Variants in PRKCQ observed in about 807,000 individuals in gnomAD.
The protein encoded by PRKCQ is protein kinase C theta type.
In PRKCQ, 41 loss-of-function variants were observed where a neutral mutation model predicts 91.2. That is an observed-to-expected ratio of 0.45 (90% CI 0.35 to 0.58). The LOEUF (loss-of-function observed/expected upper bound fraction) is 0.58, where lower values mean the gene tolerates loss of function less well. PRKCQ is among the 20% of genes least tolerant of loss of function. The pLI is 0.00. For missense variants in PRKCQ, 673 were observed against 896.5 expected (o/e 0.75, Z 3.18); for synonymous variants, 307 against 316.9 (o/e 0.97, Z 0.33).
At chr10:6,462,976 GCATGGACGA>G (rs1167416830) in intron 13 of PRKCQ, among the ~76,000 whole-genome samples, 1 of 148,224 alleles carries the variant, frequency 6.7e-6, no homozygotes, top group African/African-American at 2.5e-5. Flanking sequence ...CTGCACTCCA[GCATGGACGA>G]CAGAGCAAGA....
At chr10:6,492,354 G>C (rs1837362591) in intron 7 of PRKCQ, among the ~76,000 whole-genome samples, 1 of 152,190 alleles carries the variant, frequency 6.6e-6, no homozygotes, top group African/African-American at 2.4e-5. Flanking sequence ...GAGGTGGCAA[G>C]AGGAGGGAGC....
At chr10:6,527,927 C>A (rs548012674) in intron 1 of PRKCQ, among the ~76,000 whole-genome samples, 1 of 152,312 alleles carries the variant, frequency 6.6e-6, no homozygotes, top group Admixed American at 6.5e-5. Flanking sequence ...TGATTTCAAG[C>A]TCATCTTCCC....
At chr10:6,530,694 C>T (rs968352501) in intron 1 of PRKCQ, among the ~76,000 whole-genome samples, 3 of 152,216 alleles carry the variant, frequency 2.0e-5, no homozygotes, top group Non-Finnish European at 2.9e-5. Context: ...CAGTTGCAGT[C>T]AGAAACGTCG....
At chr10:6,562,081 G>A (rs1167515343) in intron 1 of PRKCQ, among the ~76,000 whole-genome samples, 2 of 152,096 alleles carry the variant, frequency 1.3e-5, no homozygotes. Context: ...ATTGAGCCAC[G>A]GACCTGGCAT....
chr10:6,517,717 T>C (rs866656250), intron 1 of PRKCQ, among the ~76,000 whole-genome samples: 32 of 150,098 alleles, frequency 2.1e-4, no homozygotes, highest in South Asian at 2.1e-4. Context: ...GGTAAGGTCT[T>C]ATACATTTAA....
At chr10:6,528,962 C>T (rs1839292316) in intron 1 of PRKCQ, among the ~76,000 whole-genome samples, 1 of 152,128 alleles carries the variant, frequency 6.6e-6, no homozygotes, top group Non-Finnish European at 1.5e-5. Context: ...TACTCCATGG[C>T]TGTGGTTTGA....
intron 11 of PRKCQ, among the ~76,000 whole-genome samples, chr10:6,479,767 T>TA (rs34610362): frequency 0.14 from 5,612 of 39,028 alleles, 728 homozygotes; most frequent in Non-Finnish European, 0.17. Context: ...CCGTCTCGAC[T>TA]AAAAAAAAAA....
At chr10:6,580,379 TCGCCAGCCTCCC>T (rs1841435664), upstream of PRKCQ, 1 of 150,662 alleles carries the variant, frequency 6.6e-6, no homozygotes, top group Non-Finnish European at 1.5e-5. Flanking sequence ...CAGGGGGCGC[TCGCCAGCCTCCC>T]CGCCAGCCCG....
chr10:6,522,316 T>C (rs1186936268), intron 1 of PRKCQ, among the ~76,000 whole-genome samples: 1 of 152,204 alleles, frequency 6.6e-6, no homozygotes. Context: ...GTGATCTCAT[T>C]TGTCTTTTGT....
In PRKCQ at chr10:6,465,518, T is replaced by C. The variant is rs74867058; in HGVS notation, c.1354-1114A>G. ...AACACTTTAGAGAAACCTGATTTTT[T>C]AAAGGGTTGTAATGCATCACAGAAT... On this transcript the variant is annotated intron_variant, in intron 12 of 17. Transcript: ENST00000263125. This position sits in a 1 kb window ranked among gnomAD's most constrained non-coding sequence, Gnocchi z 4.4. Among the ~76,000 whole-genome samples the C allele has an allele frequency of 0.015, 2,321 of 152,336 alleles. 52 individuals carry two copies. The highest frequency in any genetic ancestry group is 0.05 in the African/African-American group (2,076 of 41,564).
intron 1 of PRKCQ, among the ~76,000 whole-genome samples, chr10:6,575,618 G>A (rs774739371): frequency 8.5e-5 from 13 of 152,176 alleles, no homozygotes; most frequent in Non-Finnish European, 1.8e-4. Flanking sequence ...TGCTCAAGCT[G>A]GGATAGGAAA....
intron 1 of PRKCQ, among the ~76,000 whole-genome samples, chr10:6,573,483 G>A (rs1841116034): frequency 6.6e-6 from 1 of 152,128 alleles, no homozygotes; most frequent in African/African-American, 2.4e-5. Context: ...ATCAGGACTT[G>A]GTTCCCTTCT....
downstream of PRKCQ, among the ~76,000 whole-genome samples, chr10:6,425,501 C>A (rs1019702090): frequency 6.6e-6 from 1 of 151,958 alleles, no homozygotes; most frequent in Non-Finnish European, 1.5e-5. Flanking sequence ...GGATTACAGG[C>A]GTGAACCACC....
rs756899614 is a variant in PRKCQ, at chr10:6,479,003, A to G, written c.1342T>C (p.Phe448Leu). ...HPFLTHMFCT[F>L]QTKENLFFVM... ...AGCAGAAGCCATACCTTGGTCTGGA[A>G]TGTACAAAACATGTGCGTCAGAAAC... The change falls in exon 12 of 18, where the codon TTC (phenylalanine) becomes CTC (leucine). Residue 448 changes from phenylalanine to leucine, a missense_variant. Transcript: ENST00000263125. 21 of 1,614,174 alleles carry G rather than the reference A, an allele frequency of 1.3e-5. No homozygotes were observed. Among genetic ancestry groups the G allele is most frequent in the Non-Finnish European group, 1.7e-5 (20 of 1,180,022 alleles).
chr10:6,433,964 G>T (rs1398804079), intron 16 of PRKCQ, among the ~76,000 whole-genome samples: 6 of 149,834 alleles, frequency 4.0e-5, no homozygotes, highest in Non-Finnish European at 3.0e-5. Flanking sequence ...CTGGGAGGTG[G>T]AGGTTGCAGT....
Position 6,488,679 on chromosome 10 carries a change from C to T in PRKCQ, c.791-2535G>A, listed in dbSNP as rs773644401. The stretch of plus-strand genomic sequence containing the variant: ...GATTACAGGTGTGAGCCACCGCGCC[C>T]GGTCAACTATTAACCATTACTAGAC... On this transcript the variant is annotated intron_variant, in intron 8 of 17. Coordinates refer to ENST00000263125, the MANE Select transcript of PRKCQ (RefSeq NM_006257.5). 8.5e-5 allele frequency among the ~76,000 whole-genome samples: 13 copies of T among 152,218 alleles called. No individual in the cohort carries two copies. In the South Asian group the frequency reaches 2.1e-3, roughly 24 times the overall value.
intron 8 of PRKCQ, among the ~76,000 whole-genome samples, chr10:6,487,205 A>C (rs79492747): frequency 0.016 from 2,434 of 152,298 alleles, 61 homozygotes; most frequent in East Asian, 0.069. Flanking sequence ...AACTAAGTGG[A>C]TCTCACAGTC....
Position 6,436,659 on chromosome 10 carries a change from A to G in PRKCQ, c.1836+5234T>C, listed in dbSNP as rs548857353. On this transcript the variant is annotated intron_variant, in intron 16 of 17. Transcript: ENST00000263125. ...CACTTTAATGAAGTTATATCAATGG[A>G]CTCAGAGAGTATGTGATCTTTTGAG... 1.1e-4 allele frequency among the ~76,000 whole-genome samples: 16 copies of G among 152,246 alleles called. No homozygotes were observed. In the East Asian group the frequency reaches 2.9e-3, roughly 28 times the overall value.
At chr10:6,467,515 T>C (rs1835754832) in intron 12 of PRKCQ, among the ~76,000 whole-genome samples, 1 of 151,616 alleles carries the variant, frequency 6.6e-6, no homozygotes, top group African/African-American at 2.4e-5. Flanking sequence ...CCTCACGTCT[T>C]TATGGCGGGT....
Sources: allele counts gnomAD v4.1 joint callset (sites outside exome capture counted in the v4.1 genomes callset), GRCh38; gene constraint gnomAD v4.1.1; non-coding constraint Gnocchi (gnomAD v3.1); transcripts MANE v1.5; gene names NCBI Gene and HGNC (gene_info 2026-07-23, HGNC 2026-07-21).